Variants in TANGO6 observed in about 807,000 individuals in gnomAD.
TANGO6 encodes transport and golgi organization 6 homolog.
Under a neutral mutation model 114.2 loss-of-function variants are expected in TANGO6, and 90 were observed. The observed-to-expected ratio is 0.79, with a 90% CI of 0.66 to 0.94. The LOEUF (loss-of-function observed/expected upper bound fraction) is 0.94. Ranked by LOEUF, TANGO6 falls within the 40% of genes least tolerant of loss-of-function variation. The probability of loss-of-function intolerance (pLI) is 0.00; values close to 1 mark genes in which losing one functional copy is unlikely to be tolerated. For synonymous variants in TANGO6, 477 were observed against 509.8 expected (o/e 0.94, Z 0.87); for missense variants, 1,274 against 1,315.3 (o/e 0.97, Z 0.49).
intron 14 of TANGO6, among the ~76,000 whole-genome samples, chr16:68,946,599 G>A (rs1963417162): frequency 6.6e-6 from 1 of 151,706 alleles, no homozygotes; most frequent in East Asian, 1.9e-4. Context: ...CTACAGCCTT[G>A]GCCTCCCACC....
At chr16:69,050,999 GATTT>G (rs1959939716) in intron 17 of TANGO6, among the ~76,000 whole-genome samples, 1 of 151,268 alleles carries the variant, frequency 6.6e-6, no homozygotes, top group African/African-American at 2.4e-5. Flanking sequence ...CTTTATTGTT[GATTT>G]ATTTATTTTC....
In TANGO6 at chr16:68,867,065, CTTCT is replaced by C. The variant is rs1962189440; in HGVS notation, c.853-11_853-8del. The stretch of plus-strand genomic sequence containing the variant: ...CAGTGACATTCAGAATTCACACCTT[CTTCT>C]TTTTCTCAGTCCTGCACAGATGTGA... On this transcript the variant is annotated splice_polypyrimidine_tract_variant and intron_variant, in intron 3 of 17. Coordinates refer to ENST00000261778, the MANE Select transcript of TANGO6 (RefSeq NM_024562.2). 2 of 1,449,322 alleles carry C rather than the reference CTTCT, an allele frequency of 1.4e-6. No individual in the cohort carries two copies. Among genetic ancestry groups the C allele is most frequent in the African/African-American group, 1.5e-5 (1 of 65,422 alleles). 89.8% of individuals were successfully genotyped at this position (1,449,322 alleles called of 1,614,324 possible).
intron 14 of TANGO6, among the ~76,000 whole-genome samples, chr16:68,966,008 G>GA (rs1307474853): frequency 4.6e-5 from 7 of 151,896 alleles, no homozygotes; most frequent in African/African-American, 1.2e-4. Context: ...GGGGAGGGGG[G>GA]ATCACTTGAG....
chr16:68,928,298 AT>A (rs10701295), intron 13 of TANGO6, among the ~76,000 whole-genome samples: 7,411 of 98,198 alleles, frequency 0.075, 77 homozygotes, highest in African/African-American at 0.1. Context: ...CTGAGTGCCA[AT>A]TTTTTTTTTT....
chr16:68,900,253 C>T, intron 7 of TANGO6, 181 bp from the exon 8 acceptor site: 3 of 588,830 alleles, frequency 5.1e-6, no homozygotes, highest in Non-Finnish European at 9.1e-6. Context: ...CTTGTTTCAG[C>T]CTGTCTGCCA....
chr16:68,991,514 T>G (rs1054413703), intron 15 of TANGO6, among the ~76,000 whole-genome samples: 5 of 151,982 alleles, frequency 3.3e-5, no homozygotes. Context: ...GGTGGTGCAC[T>G]CCTGTAATCC....
chr16:68,994,162 T>A (rs1963970870), intron 15 of TANGO6, among the ~76,000 whole-genome samples: 1 of 152,238 alleles, frequency 6.6e-6, no homozygotes. Flanking sequence ...TGTCTATGTT[T>A]CTGTGTTATT....
chr16:69,003,559 C>A (rs1030905249), intron 15 of TANGO6, among the ~76,000 whole-genome samples: 4 of 152,144 alleles, frequency 2.6e-5, no homozygotes, highest in African/African-American at 9.7e-5. Flanking sequence ...GCCAGTATTT[C>A]TTTCAGTCTT....
At chr16:68,900,629 A>T in intron 8 of TANGO6, 83 bp downstream of exon 8, 1 of 1,103,380 alleles carries the variant, frequency 9.1e-7, no homozygotes, top group Non-Finnish European at 1.3e-6. Context: ...TTGAATTTAT[A>T]TTTGCCACTT....
intron 17 of TANGO6, among the ~76,000 whole-genome samples, chr16:69,047,703 A>G (rs1420066223): frequency 8.5e-5 from 13 of 152,214 alleles, no homozygotes; most frequent in Admixed American, 7.9e-4. Flanking sequence ...TTATCAAGGT[A>G]ACTACTGCTG....
chr16:68,952,076 C>A (rs1320800748), intron 14 of TANGO6, among the ~76,000 whole-genome samples: 1 of 152,174 alleles, frequency 6.6e-6, no homozygotes, highest in Non-Finnish European at 1.5e-5. Context: ...GGATTCATGA[C>A]CAAGAAGGCA....
intron 7 of TANGO6, among the ~76,000 whole-genome samples, chr16:68,889,257 G>A (rs1352767677): frequency 2.0e-5 from 3 of 152,206 alleles, no homozygotes; most frequent in African/African-American, 4.8e-5. Context: ...TAATGCCTCA[G>A]TATCATCCAA....
At chr16:68,974,287 G>A in intron 15 of TANGO6, 119 bp downstream of exon 15, 1 of 1,123,318 alleles carries the variant, frequency 8.9e-7, no homozygotes, top group Non-Finnish European at 1.3e-6. Flanking sequence ...TTGAGGGCTG[G>A]GATGTACCCA....
chr16:69,034,321 C>A, intron 16 of TANGO6: 1 of 156,828 alleles, frequency 6.4e-6, no homozygotes, highest in Non-Finnish European at 1.4e-5. Flanking sequence ...ACTGCTACAC[C>A]TCAGCCAGGG....
chr16:68,860,230 C>A lies in TANGO6; in HGVS notation c.441C>A (p.Phe147Leu), dbSNP rs374959238. ...TCTCACAACAGAAGACTGTCCAGTT[C>A]GTTTTGCAGTTTGTAGTTACCTTGG... is the stretch of plus-strand genomic sequence containing the variant. The part of the protein sequence containing the change: ...LSISQQKTVQ[F>L]VLQFVVTLGI... Residue 147 changes from phenylalanine to leucine, a missense_variant, in exon 2 of 18, where the codon TTC (phenylalanine) becomes TTA (leucine). Coordinates refer to ENST00000261778, the MANE Select transcript of TANGO6 (RefSeq NM_024562.2). 6.2e-7 allele frequency: 1 copy of A among 1,614,012 alleles called. No individual in the cohort carries two copies. The highest frequency in any genetic ancestry group is 8.5e-7 in the Non-Finnish European group (1 of 1,179,898).
At chr16:68,910,728 G>A (rs1046156971) in intron 11 of TANGO6, among the ~76,000 whole-genome samples, 1 of 152,134 alleles carries the variant, frequency 6.6e-6, no homozygotes, top group African/African-American at 2.4e-5. Flanking sequence ...CCAGGCTGGA[G>A]TGCAGTGGCG....
At chr16:68,943,112 A>C (rs1963371767) in intron 14 of TANGO6, among the ~76,000 whole-genome samples, 1 of 151,186 alleles carries the variant, frequency 6.6e-6, no homozygotes. Flanking sequence ...TGTTGCCCAG[A>C]CTGGTTTCAA....
At chr16:68,944,985 A>G (rs907894230) in intron 14 of TANGO6, among the ~76,000 whole-genome samples, 64 of 152,252 alleles carry the variant, frequency 4.2e-4, no homozygotes, top group African/African-American at 1.4e-3. Flanking sequence ...CATGTCTACT[A>G]AAAATACAAA....
At chr16:69,004,679 G>A (rs1964077182) in intron 15 of TANGO6, among the ~76,000 whole-genome samples, 1 of 152,000 alleles carries the variant, frequency 6.6e-6, no homozygotes, top group Non-Finnish European at 1.5e-5. Flanking sequence ...GACAAAATCG[G>A]GACTTGTCCA....
Sources: gnomAD v4.1 joint callset for allele counts (sites outside exome capture counted in the v4.1 genomes callset) on GRCh38, gnomAD v4.1.1 for gene constraint, MANE v1.5 for transcripts, NCBI Gene and HGNC (gene_info 2026-07-23, HGNC 2026-07-21) for gene names.